Variants in LPAR6 observed in about 807,000 individuals in gnomAD.
LPAR6 encodes lysophosphatidic acid receptor 6.
Under a neutral mutation model 22.0 loss-of-function variants are expected in LPAR6, and 17 were observed. That is an observed-to-expected ratio of 0.77 (90% CI 0.53 to 1.16). The LOEUF (loss-of-function observed/expected upper bound fraction) is 1.16, where lower values mean the gene tolerates loss of function less well. Among genes scored for constraint, LPAR6 ranks in the 50% most tolerant of loss-of-function variants. The pLI is 0.00. For missense variants in LPAR6, 384 were observed against 406.9 expected, an observed-to-expected ratio of 0.94 and a Z score of 0.48; for synonymous variants, 136 against 139.8, an observed-to-expected ratio of 0.97 and a Z score of 0.19.
At chr13:48,440,949 A>G (rs111818608) in intron 1 of LPAR6, among the ~76,000 whole-genome samples, 3 of 152,290 alleles carry the variant, frequency 2.0e-5, no homozygotes, top group African/African-American at 7.2e-5. Context: ...TGTAGGGAAG[A>G]AAAAAAGAAT....
rs145425421 is a variant in LPAR6 at position 48,425,666 on chromosome 13, A to G, written c.-1095+1193T>C. Among the ~76,000 whole-genome samples the G allele has an allele frequency of 8.5e-3, 1,287 of 152,078 alleles. 16 individuals carry two copies. The highest frequency in any genetic ancestry group is 0.03 in the African/African-American group (1,244 of 41,432). ...CCAGGAATTCCAGTTTAGCCTGGGC[A>G]ATATAGAGAGTCCTCAACTCTTAAA... On this transcript the variant is annotated intron_variant, in intron 1 of 4. Transcript: ENST00000345941.
chr13:48,424,526 T>C (rs949821068), intron 1 of LPAR6, among the ~76,000 whole-genome samples: 4 of 152,132 alleles, frequency 2.6e-5, no homozygotes, highest in Non-Finnish European at 4.4e-5. Context: ...GGAGTGAAAA[T>C]GTTATTGTGG....
At position 48,411,267 on chromosome 13, in the gene LPAR6, G is replaced by T; in HGVS notation, c.*122C>A. On this transcript the variant is annotated 3_prime_UTR_variant, in exon 1 of 1. Coordinates refer to ENST00000620633, the MANE Select transcript of LPAR6 (RefSeq NM_001162498.3). ...GAATACAAATTTTCTTTATACTAAAGACTTTAAAATGTCCATGTGTTAATT... is the reference window on the plus strand; with the variant it reads ...GAATACAAATTTTCTTTATACTAAATACTTTAAAATGTCCATGTGTTAATT... 2 of 813,390 alleles carry T rather than the reference G, an allele frequency of 2.5e-6. No homozygotes were observed. Among genetic ancestry groups the T allele is most frequent in the Non-Finnish European group, 2.1e-6 (1 of 477,512 alleles). 50.4% of individuals were successfully genotyped at this position (813,390 alleles called of 1,614,324 possible).
At chr13:48,419,210 T>G (rs1230031580) in intron 2 of LPAR6, among the ~76,000 whole-genome samples, 1 of 152,056 alleles carries the variant, frequency 6.6e-6, no homozygotes, top group African/African-American at 2.4e-5. Context: ...TGCAATCAAA[T>G]TAGAACTCAG....
upstream of LPAR6, among the ~76,000 whole-genome samples, chr13:48,430,034 T>TA (rs1949113720): frequency 6.6e-6 from 1 of 152,230 alleles, no homozygotes; most frequent in East Asian, 1.9e-4. Flanking sequence ...TGTTCACCTG[T>TA]AGATACTGTG....
chr13:48,390,972 A>G (rs1197162534), intron 1 of LPAR6, among the ~76,000 whole-genome samples: 2 of 152,128 alleles, frequency 1.3e-5, no homozygotes, highest in African/African-American at 4.8e-5. Flanking sequence ...GACTATTGAT[A>G]TGGTTGGGTT....
rs528774857 is a variant in LPAR6 at position 48,432,793 on chromosome 13, T to A, written c.-1473-8674A>T. On this transcript the variant is annotated intron_variant, in intron 1 of 6. Transcript: ENST00000378434. ...CTTGGAATAAAATTTTAATTTATAA[T>A]ATAGGAGAGATATTACTATTAAGGC... Among the ~76,000 whole-genome samples, 5 of 152,176 alleles carry A rather than the reference T, an allele frequency of 3.3e-5. No individual in the cohort carries two copies. The East Asian group carries it at 9.6e-4, about 29-fold the overall frequency.
intron 1 of LPAR6, among the ~76,000 whole-genome samples, chr13:48,395,934 AT>A (rs1227691729): frequency 6.6e-6 from 1 of 152,178 alleles, no homozygotes; most frequent in Non-Finnish European, 1.5e-5. Context: ...TAATCGTCAG[AT>A]TCACCAAGGT....
At chr13:48,439,674 T>A (rs1949217495) in intron 1 of LPAR6, 1 of 152,174 alleles carries the variant, frequency 6.6e-6, no homozygotes, top group African/African-American at 2.4e-5. Flanking sequence ...AGCTATTGAA[T>A]GTGTTATGAT....
downstream of LPAR6, among the ~76,000 whole-genome samples, chr13:48,409,095 T>C (rs1164453699): frequency 6.6e-6 from 1 of 151,782 alleles, no homozygotes; most frequent in African/African-American, 2.4e-5. Context: ...TCTCTTGGGA[T>C]ATAAAGGACC....
At chr13:48,435,310 A>G (rs1949172095) in intron 1 of LPAR6, among the ~76,000 whole-genome samples, 1 of 152,180 alleles carries the variant, frequency 6.6e-6, no homozygotes, top group Admixed American at 6.5e-5. Flanking sequence ...TCCCATCAGG[A>G]TGATAGCTAA....
intron 1 of LPAR6, chr13:48,401,303 A>G (rs1948689930): frequency 6.6e-6 from 1 of 152,162 alleles, no homozygotes; most frequent in Admixed American, 6.6e-5. Context: ...CTTACAGTCA[A>G]ATCTTAACTG....
upstream of LPAR6, chr13:48,429,224 T>G (rs1272099334): frequency 5.3e-5 from 8 of 152,130 alleles, no homozygotes; most frequent in Non-Finnish European, 1.2e-4. Flanking sequence ...TAGACTTAGA[T>G]GTAGAAAAGA....
upstream of LPAR6, among the ~76,000 whole-genome samples, chr13:48,418,051 A>G (rs1948943155): frequency 6.6e-6 from 1 of 152,186 alleles, no homozygotes; most frequent in Non-Finnish European, 1.5e-5. Context: ...ATACTCCTCA[A>G]GAAGAGCAAC....
chr13:48,414,286 G>T (rs904085863), upstream of LPAR6, among the ~76,000 whole-genome samples: 1 of 151,236 alleles, frequency 6.6e-6, no homozygotes, highest in Non-Finnish European at 1.5e-5. Flanking sequence ...GGCAGATGTT[G>T]CAGTGAACCA....
intron 1 of LPAR6, among the ~76,000 whole-genome samples, chr13:48,433,243 A>T (rs1949148236): frequency 6.6e-6 from 1 of 152,144 alleles, no homozygotes; most frequent in Admixed American, 6.5e-5. Flanking sequence ...ATACATATGT[A>T]CTTTTCTATT....
chr13:48,432,867 A>T (rs1949144551), intron 1 of LPAR6, among the ~76,000 whole-genome samples: 1 of 152,188 alleles, frequency 6.6e-6, no homozygotes, highest in Admixed American at 6.5e-5. Flanking sequence ...AGGAAAAAAG[A>T]TAGCATAACC....
intron 1 of LPAR6, among the ~76,000 whole-genome samples, chr13:48,398,105 C>T (rs987882955): frequency 1.3e-5 from 2 of 152,146 alleles, no homozygotes; most frequent in African/African-American, 4.8e-5. Flanking sequence ...TATACTTTTA[C>T]ACAACAGCCA....
chr13:48,441,396 A>G (rs1347173118), intron 1 of LPAR6, among the ~76,000 whole-genome samples: 1 of 152,206 alleles, frequency 6.6e-6, no homozygotes, highest in Non-Finnish European at 1.5e-5. Flanking sequence ...TAGGGCAAGA[A>G]TGACCAACGG....
Sources: gnomAD v4.1 joint callset for allele counts (sites outside exome capture counted in the v4.1 genomes callset) on GRCh38, gnomAD v4.1.1 for gene constraint, MANE v1.5 for transcripts, NCBI Gene and HGNC (gene_info 2026-07-23, HGNC 2026-07-21) for gene names.